ETV6: variants seen among roughly 807,000 people sequenced by gnomAD.
The protein encoded by ETV6 is ETS variant transcription factor 6.
In ETV6, 16 loss-of-function variants were observed where a neutral mutation model predicts 51.1. The ratio of observed to expected loss-of-function variants is 0.31; its 90% CI spans 0.21 to 0.48. The LOEUF (loss-of-function observed/expected upper bound fraction) is 0.48. Ranked by LOEUF, ETV6 falls within the 20% of genes least tolerant of loss-of-function variation. ETV6 has a pLI of 0.99. For missense variants in ETV6, 458 were observed against 594.8 expected, an observed-to-expected ratio of 0.77 and a Z score of 2.39; for synonymous variants, 240 against 224.1, an observed-to-expected ratio of 1.07 and a Z score of -0.64.
intron 1 of ETV6, among the ~76,000 whole-genome samples, chr12:11,691,391 C>T (rs1018823416): frequency 1.3e-4 from 20 of 152,206 alleles, no homozygotes; most frequent in Non-Finnish European, 7.3e-5. Context: ...CCTCCTCTCC[C>T]TTCTTTTCTC....
rs1027740246 is a variant in ETV6, at chr12:11,839,296, C to T, written c.320C>T (p.Pro107Leu). ...LTKEDFRYRS[P>L]HSGDVLYELL... Reference sequence around the variant, plus strand: ...AAAGAGGACTTTCGCTATCGATCTCCTCATTCAGGTGAGAGTCTGGACTCT... The same window carrying T: ...AAAGAGGACTTTCGCTATCGATCTCTTCATTCAGGTGAGAGTCTGGACTCT... The change falls in exon 3 of 8, where the codon CCT becomes CTT. Residue 107 changes from proline to leucine, a missense_variant. By Grantham distance (98) the Pro-to-Leu change is moderately conservative. Coordinates refer to ENST00000396373, the MANE Select transcript of ETV6 (RefSeq NM_001987.5). The T allele has an allele frequency of 1.9e-6, 3 of 1,613,508 alleles. No individual in the cohort carries two copies. Among genetic ancestry groups the T allele is most frequent in the Non-Finnish European group, 2.5e-6 (3 of 1,179,616 alleles).
intron 2 of ETV6, among the ~76,000 whole-genome samples, chr12:11,791,445 T>C (rs1945589597): frequency 6.6e-6 from 1 of 152,244 alleles, no homozygotes; most frequent in Non-Finnish European, 1.5e-5. Flanking sequence ...GAAAGCTCTT[T>C]GTCCATTGAA....
intron 1 of ETV6, among the ~76,000 whole-genome samples, chr12:11,727,626 G>A (rs1865514645): frequency 6.6e-6 from 1 of 152,058 alleles, no homozygotes; most frequent in African/African-American, 2.4e-5. Context: ...AAAAGCGTGG[G>A]GGGAATGGAT....
chr12:11,659,543 C>T (rs573139877), intron 1 of ETV6, among the ~76,000 whole-genome samples: 5 of 152,194 alleles, frequency 3.3e-5, no homozygotes, highest in South Asian at 2.1e-4. Flanking sequence ...TATGACAGGC[C>T]GTGTAACTTT....
chr12:11,656,661 A>G (rs1425514580), intron 1 of ETV6, among the ~76,000 whole-genome samples: 1 of 151,884 alleles, frequency 6.6e-6, no homozygotes, highest in African/African-American at 2.4e-5. Flanking sequence ...TTTTTCTCAG[A>G]TGCCTTTCTT....
chr12:11,743,570 C>G (rs1039935335), intron 1 of ETV6, among the ~76,000 whole-genome samples: 3 of 152,042 alleles, frequency 2.0e-5, no homozygotes, highest in Non-Finnish European at 4.4e-5. Context: ...AAGTACAGGG[C>G]ATTATTCAGC....
chr12:11,765,910 C>T (rs1483952687), intron 2 of ETV6, among the ~76,000 whole-genome samples: 2 of 152,156 alleles, frequency 1.3e-5, no homozygotes, highest in South Asian at 2.1e-4. Flanking sequence ...TGAGACTGTC[C>T]TGGGACAGTC....
At chr12:11,886,493 G>A (rs772240603) in intron 7 of ETV6, among the ~76,000 whole-genome samples, 7 of 151,758 alleles carry the variant, frequency 4.6e-5, no homozygotes, top group Non-Finnish European at 8.8e-5. Flanking sequence ...ATAAGGATAG[G>A]ATAGGATAGA....
chr12:11,866,516 T>C (rs1946792727), intron 4 of ETV6, among the ~76,000 whole-genome samples: 1 of 152,254 alleles, frequency 6.6e-6, no homozygotes, highest in Non-Finnish European at 1.5e-5. Context: ...ATCAAATTAC[T>C]GGCCAGTTAC....
At chr12:11,865,604 G>A (rs556510726) in intron 4 of ETV6, among the ~76,000 whole-genome samples, 18 of 147,130 alleles carry the variant, frequency 1.2e-4, no homozygotes, top group African/African-American at 2.7e-4. Flanking sequence ...ATATATTAGC[G>A]TAGGCTTATA....
chr12:11,737,623 T>A (rs977839105), intron 1 of ETV6, among the ~76,000 whole-genome samples: 10 of 152,226 alleles, frequency 6.6e-5, no homozygotes, highest in African/African-American at 2.4e-4. Context: ...TGTCTTATGG[T>A]GAGACAATGC....
At chr12:11,823,207 A>G (rs1946106357) in intron 2 of ETV6, among the ~76,000 whole-genome samples, 1 of 152,156 alleles carries the variant, frequency 6.6e-6, no homozygotes. Flanking sequence ...GCATGGGGGA[A>G]TCTGTGACTA....
At chr12:11,845,852 C>T (rs1330362832) in intron 3 of ETV6, among the ~76,000 whole-genome samples, 4 of 151,964 alleles carry the variant, frequency 2.6e-5, no homozygotes, top group South Asian at 2.1e-4. Flanking sequence ...ATCAGCCGGG[C>T]GTGGTGGCAC....
intron 1 of ETV6, among the ~76,000 whole-genome samples, chr12:11,720,759 G>A (rs1029541913): frequency 6.6e-6 from 1 of 152,078 alleles, no homozygotes; most frequent in Non-Finnish European, 1.5e-5. Context: ...GCTTCTGCAC[G>A]GCAAAAGAAT....
rs553418876 is a variant in ETV6 at position 11,813,665 on chromosome 12, C to T, written c.164-25475C>T. 5.4e-5 allele frequency among the ~76,000 whole-genome samples: 8 copies of T among 147,372 alleles called. No homozygotes were observed. The South Asian group carries it at 1.9e-3, about 34-fold the overall frequency. ...CCCTTTCCTGATTCTTCAGAACTGA[C>T]AACTATAAATCCAGCCCAAATTCCT... On this transcript the variant is annotated intron_variant, in intron 2 of 7. Transcript: ENST00000396373.
intron 5 of ETV6, among the ~76,000 whole-genome samples, chr12:11,880,792 G>A (rs1005213566): frequency 4.0e-5 from 6 of 151,744 alleles, no homozygotes; most frequent in Non-Finnish European, 5.9e-5. Context: ...TTATTAAAAT[G>A]AACACACTAG....
rs3049068 is a variant in ETV6, at chr12:11,716,330, C to CAAAAAAAA, written c.34-36097_34-36090dup. Among the ~76,000 whole-genome samples, 23 of 58,116 alleles carry CAAAAAAAA rather than the reference C, an allele frequency of 4.0e-4. 1 individual carries two copies. The highest frequency in any genetic ancestry group is 1.3e-3 in the African/African-American group (21 of 16,006). The allele number at this position is 58,116 out of a possible 152,430, so 38.1% of individuals were successfully genotyped here. ...TGGGCGACAGAGCAAGACTCCTTCT[C>CAAAAAAAA]AAAAAAAAAAAAAAAAAAAAAAAAA... On this transcript the variant is annotated intron_variant, in intron 1 of 7. Coordinates refer to ENST00000396373, the MANE Select transcript of ETV6 (RefSeq NM_001987.5).
intron 1 of ETV6, among the ~76,000 whole-genome samples, chr12:11,720,194 G>A (rs879594959): frequency 2.0e-5 from 3 of 152,200 alleles, no homozygotes; most frequent in Non-Finnish European, 4.4e-5. Flanking sequence ...TTCAGGCACA[G>A]CATTAATCTT....
At chr12:11,706,903 G>A (rs1208611760) in intron 1 of ETV6, among the ~76,000 whole-genome samples, 1 of 152,212 alleles carries the variant, frequency 6.6e-6, no homozygotes, top group East Asian at 1.9e-4. Flanking sequence ...CTACTTCACA[G>A]CGAACAGTTT....
Sources: gnomAD v4.1 joint callset for allele counts (sites outside exome capture counted in the v4.1 genomes callset) on GRCh38, gnomAD v4.1.1 for gene constraint, MANE v1.5 for transcripts, NCBI Gene and HGNC (gene_info 2026-07-23, HGNC 2026-07-21) for gene names.